TEK: variants seen among roughly 807,000 people sequenced by gnomAD.
TEK encodes the protein TEK receptor tyrosine kinase, also known as angiopoietin-1 receptor.
TEK carries 43 observed loss-of-function variants against 131.8 expected under a neutral mutation model. The observed-to-expected ratio is 0.33, with a 90% CI of 0.26 to 0.42. TEK has a LOEUF of 0.42. Ranked by LOEUF, TEK falls within the 10% of genes least tolerant of loss-of-function variation. The pLI, the probability that TEK is intolerant of heterozygous loss-of-function variation, is 1.00. For synonymous variants in TEK, 580 were observed against 491.6 expected (o/e 1.18, Z -2.38); for missense variants, 1,162 against 1,384.4 (o/e 0.84, Z 2.55).
chr9:27,217,730 T>G lies in TEK; in HGVS notation c.3034T>G (p.Tyr1012Asp). 6.2e-7 allele frequency: 1 copy of G among 1,613,956 alleles called. No individual in the cohort carries two copies. Among genetic ancestry groups the G allele is most frequent in the East Asian group, 2.2e-5 (1 of 44,862 alleles). ...VRWMAIESLN[Y>D]SVYTTNSDVW... ...CTGGATGGCCATCGAGTCACTGAAT[T>G]ACAGTGTGTACACAACCAACAGTGA... The change falls in exon 19 of 23, where the codon TAC becomes GAC. Residue 1012 changes from tyrosine to aspartate, a missense_variant. Tyr to Asp is a radical substitution (Grantham distance 160). Around this residue, in one of 6 missense-constraint regions of TEK, gnomAD observed 107 missense variants for 173.9 expected, o/e 0.62. Coordinates refer to ENST00000380036, the MANE Select transcript of TEK (RefSeq NM_000459.5).
intron 7 of TEK, among the ~76,000 whole-genome samples, chr9:27,180,939 G>C (rs764416788): frequency 6.6e-6 from 1 of 152,044 alleles, no homozygotes; most frequent in Non-Finnish European, 1.5e-5. Context: ...TGTAAATTCA[G>C]TGGTTTTTAG....
intron 21 of TEK, among the ~76,000 whole-genome samples, chr9:27,220,680 G>C (rs140368454): frequency 1.3e-5 from 2 of 152,210 alleles, no homozygotes; most frequent in East Asian, 3.9e-4. Flanking sequence ...CCTGGGAAGC[G>C]CAAGGGGTTG....
intron 10 of TEK, among the ~76,000 whole-genome samples, chr9:27,192,123 C>T (rs927273496): frequency 3.3e-5 from 5 of 152,158 alleles, no homozygotes; most frequent in African/African-American, 4.8e-5. Flanking sequence ...TGATTGCAAT[C>T]AGTGTACATA....
chr9:27,229,112 TG>T, intron 22 of TEK, 45 bp from the exon 23 acceptor site: 1 of 1,577,940 alleles, frequency 6.3e-7, no homozygotes, highest in Non-Finnish European at 8.7e-7. Flanking sequence ...CTGGCAGAGG[TG>T]GAATCAAAGC....
At chr9:27,213,868 C>A (rs945772085) in intron 18 of TEK, among the ~76,000 whole-genome samples, 5 of 152,196 alleles carry the variant, frequency 3.3e-5, no homozygotes, top group African/African-American at 9.7e-5. Context: ...TTGGTTCTAT[C>A]CAGTCCAGAC....
At chr9:27,221,545 C>A (rs1043495921) in intron 21 of TEK, among the ~76,000 whole-genome samples, 2 of 152,192 alleles carry the variant, frequency 1.3e-5, no homozygotes, top group African/African-American at 4.8e-5. Context: ...TGGCATCTGG[C>A]AGGTGCCCCT....
intron 1 of TEK, among the ~76,000 whole-genome samples, chr9:27,114,099 T>C (rs1388496262): frequency 6.6e-6 from 1 of 152,254 alleles, no homozygotes; most frequent in Non-Finnish European, 1.5e-5. Context: ...CCAATTAGCC[T>C]CTAAATCTCT....
intron 1 of TEK, among the ~76,000 whole-genome samples, chr9:27,121,405 A>G (rs1274116171): frequency 6.6e-6 from 1 of 151,710 alleles, no homozygotes; most frequent in Non-Finnish European, 1.5e-5. Context: ...TGTTGTATAT[A>G]TTACTGCTGG....
intron 1 of TEK, among the ~76,000 whole-genome samples, chr9:27,125,267 C>G (rs376523155): frequency 6.6e-6 from 1 of 152,314 alleles, no homozygotes; most frequent in East Asian, 1.9e-4. Context: ...TGCTGAGTAA[C>G]TCTAGAGTAT....
At position 27,117,993 on chromosome 9, in the gene TEK, T is replaced by C. The variant is rs376745926; in HGVS notation, c.52+8351T>C. 8.7e-4 allele frequency among the ~76,000 whole-genome samples: 132 copies of C among 152,286 alleles called. 2 individuals carry two copies. The South Asian group carries it at 0.013, about 15-fold the overall frequency. ...GGGGCTGGGGAGGCACTCACTGCTC[T>C]GCGGCCGTCAGATGGTGAACCAGCT... On this transcript the variant is annotated intron_variant, in intron 1 of 22. Coordinates refer to ENST00000380036, the MANE Select transcript of TEK (RefSeq NM_000459.5).
At chr9:27,160,031 TTTTTTTTTTA>T (rs1451807238) in intron 2 of TEK, among the ~76,000 whole-genome samples, 1 of 146,526 alleles carries the variant, frequency 6.8e-6, no homozygotes, top group African/African-American at 2.6e-5. Flanking sequence ...TTTTTTTTTT[TTTTTTTTTTA>T]AAGACAAGGG....
intron 1 of TEK, among the ~76,000 whole-genome samples, chr9:27,135,046 G>A (rs1822368269): frequency 6.6e-6 from 1 of 152,118 alleles, no homozygotes; most frequent in Admixed American, 6.5e-5. Flanking sequence ...CCAACATGGA[G>A]AAGTCCTGTC....
intron 1 of TEK, among the ~76,000 whole-genome samples, chr9:27,124,263 CT>C (rs754155835): frequency 6.6e-6 from 1 of 152,334 alleles, no homozygotes; most frequent in Non-Finnish European, 1.5e-5. Flanking sequence ...ATGTTTTTGG[CT>C]CATTCAAGGT....
chr9:27,191,871 T>A lies in TEK; in HGVS notation c.1490-618T>A, dbSNP rs190635238. The stretch of plus-strand genomic sequence containing the variant: ...TAAGAACTGTTAAACACATCCCAGT[T>A]TTTTTTCTTACCAAGTAGGAATTTA... On this transcript the variant is annotated intron_variant, in intron 10 of 22. Coordinates refer to ENST00000380036, the MANE Select transcript of TEK (RefSeq NM_000459.5). 4.0e-5 allele frequency: 18 copies of A among 448,888 alleles called. No individual in the cohort carries two copies. The East Asian group carries it at 1.3e-3, about 31-fold the overall frequency. 27.8% of individuals were successfully genotyped at this position (448,888 alleles called of 1,614,324 possible).
At chr9:27,115,868 A>G (rs1821535764) in intron 1 of TEK, among the ~76,000 whole-genome samples, 1 of 152,254 alleles carries the variant, frequency 6.6e-6, no homozygotes, top group African/African-American at 2.4e-5. Flanking sequence ...GGTCAGATCA[A>G]GAAGGGCCTC....
chr9:27,175,469 G>A (rs1824131349), intron 6 of TEK, among the ~76,000 whole-genome samples: 1 of 152,052 alleles, frequency 6.6e-6, no homozygotes. Flanking sequence ...TGTCTTTATA[G>A]CATCATGATT....
Position 27,109,265 on chromosome 9 carries a change from A to G in TEK, c.-326A>G, listed in dbSNP as rs147620532. On this transcript the variant is annotated 5_prime_UTR_variant, in exon 1 of 23. Transcript: ENST00000380036. The stretch of plus-strand genomic sequence containing the variant: ...AGCAGCAAAAGCAGCAGCAGAAGCA[A>G]CAGCAACAGATAAGTGTTTTGATGA... 234 of 525,392 alleles carry G rather than the reference A, an allele frequency of 4.5e-4. 3 individuals carry two copies. The East Asian group carries it at 6.6e-3, about 15-fold the overall frequency. The allele number at this position is 525,392 out of a possible 1,614,324, so 32.5% of individuals were successfully genotyped here.
At chr9:27,204,780 T>G in intron 13 of TEK, 131 bp from the exon 14 acceptor site, 3 of 1,156,084 alleles carry the variant, frequency 2.6e-6, no homozygotes, top group Non-Finnish European at 3.9e-6. Flanking sequence ...CCCGAGGTCA[T>G]ATAGTGGTTA....
chr9:27,152,164 C>A (rs572488551), intron 1 of TEK, among the ~76,000 whole-genome samples: 127 of 152,162 alleles, frequency 8.3e-4, no homozygotes, highest in African/African-American at 1.6e-3. Flanking sequence ...ACCAAATTTC[C>A]AAAAAACCAT....
Sources: gnomAD v4.1 joint callset for allele counts (sites outside exome capture counted in the v4.1 genomes callset) on GRCh38, gnomAD v4.1.1 for gene constraint, gnomAD v4.1.1 regional missense constraint, MANE v1.5 for transcripts, NCBI Gene and HGNC (gene_info 2026-07-23, HGNC 2026-07-21) for gene names.